PRORP: variants seen among roughly 807,000 people sequenced by gnomAD.
PRORP encodes the protein protein only RNase P catalytic subunit, also known as mitochondrial ribonuclease P catalytic subunit.
Under a neutral mutation model 59.4 loss-of-function variants are expected in PRORP, and 51 were observed. The observed-to-expected ratio is 0.86, with a 90% CI of 0.69 to 1.08. The LOEUF is 1.08. Among genes scored for constraint, PRORP ranks in the 50% least tolerant of loss-of-function variants. The pLI, the probability that PRORP is intolerant of heterozygous loss-of-function variation, is 0.00. For missense variants in PRORP, 646 were observed against 690.3 expected (o/e 0.94, Z 0.72); for synonymous variants, 231 against 245.6 (o/e 0.94, Z 0.55).
chr14:35,155,987 G>C (rs2138921085), intron 4 of PRORP, among the ~76,000 whole-genome samples: 1 of 152,282 alleles, frequency 6.6e-6, no homozygotes, highest in Middle Eastern at 3.4e-3. Flanking sequence ...GCTTTGCAAA[G>C]AGGTTATTAA....
At chr14:35,199,391 C>G (rs868278495) in intron 5 of PRORP, among the ~76,000 whole-genome samples, 4 of 151,484 alleles carry the variant, frequency 2.6e-5, no homozygotes, top group Non-Finnish European at 5.9e-5. Context: ...AATGTGTCCA[C>G]TCCACATTCA....
chr14:35,270,464 C>T lies in PRORP; in HGVS notation c.1488C>T (p.Ile496=), dbSNP rs750273965. The T allele has an allele frequency of 6.2e-7, 1 of 1,614,142 alleles. No individual in the cohort carries two copies. Among genetic ancestry groups the T allele is most frequent in the African/African-American group, 1.3e-5 (1 of 75,038 alleles). The change falls in exon 7 of 8, where the codon ATC becomes ATT. Residue 496 remains isoleucine (I), a synonymous_variant. Transcript: ENST00000534898. The part of the protein sequence containing the change: ...TLHSGNHCRF[I]TRDLMRDHKA... ...ACTCCGGGAATCACTGCAGGTTTAT[C>T]ACAAGAGACCTGATGCGGGACCACA...
chr14:35,253,355 GAGA>G lies in PRORP; in HGVS notation c.1276-13370_1276-13368del, dbSNP rs1566528577. Among the ~76,000 whole-genome samples, 12 of 113,008 alleles carry G rather than the reference GAGA, an allele frequency of 1.1e-4. No homozygotes were observed. The East Asian group carries it at 3.4e-3, about 32-fold the overall frequency. The allele number at this position is 113,008 out of a possible 152,430, so 74.1% of individuals were successfully genotyped here. A position where few individuals can be genotyped will look rare whatever the true frequency, so the allele number is the denominator to read the frequency against. On this transcript the variant is annotated intron_variant, in intron 5 of 7. Coordinates refer to ENST00000534898, the MANE Select transcript of PRORP (RefSeq NM_014672.4). Reference sequence around the variant, plus strand: ...TCAAAAAAAAAAAAAGAGAGAGAGAGAGAAAGAAAGAAAGAAAGAAAAGAAAGA... The same window carrying G: ...TCAAAAAAAAAAAAAGAGAGAGAGAGAAGAAAGAAAGAAAGAAAAGAAAGA...
intron 5 of PRORP, among the ~76,000 whole-genome samples, chr14:35,224,192 T>C (rs73236995): frequency 0.052 from 7,861 of 152,236 alleles, 347 homozygotes; most frequent in Admixed American, 0.15. Context: ...CAGTGCTTCT[T>C]CAAAAATAGA....
At chr14:35,183,419 T>A (rs771702513) in intron 5 of PRORP, among the ~76,000 whole-genome samples, 3 of 152,290 alleles carry the variant, frequency 2.0e-5, no homozygotes, top group Middle Eastern at 3.4e-3. Flanking sequence ...AAAAGCATTC[T>A]TGATAAATAT....
Position 35,170,151 on chromosome 14 carries a change from A to G in PRORP, c.1168-10519A>G, listed in dbSNP as rs1398548472. 3.3e-5 allele frequency among the ~76,000 whole-genome samples: 5 copies of G among 152,262 alleles called. No homozygotes were observed. The East Asian group carries it at 7.7e-4, about 23-fold the overall frequency. The stretch of plus-strand genomic sequence containing the variant: ...TCTTAAGCTTATTGATGCATGATAC[A>G]TATTTTTCCCTACTTTTCACTTTCC... On this transcript the variant is annotated intron_variant, in intron 4 of 7. Transcript: ENST00000534898.
At chr14:35,242,123 T>C (rs1239504980) in intron 5 of PRORP, among the ~76,000 whole-genome samples, 1 of 152,218 alleles carries the variant, frequency 6.6e-6, no homozygotes, top group African/African-American at 2.4e-5. Flanking sequence ...GTGATTTATT[T>C]ATGTCTGTCT....
intron 5 of PRORP, among the ~76,000 whole-genome samples, chr14:35,220,874 A>C (rs2049756982): frequency 1.3e-5 from 2 of 152,122 alleles, no homozygotes; most frequent in South Asian, 4.1e-4. Flanking sequence ...AATCTGGGGG[A>C]GGATGTAAAC....
At chr14:35,194,837 A>C (rs1402895198) in intron 5 of PRORP, among the ~76,000 whole-genome samples, 1 of 152,206 alleles carries the variant, frequency 6.6e-6, no homozygotes, top group Admixed American at 6.5e-5. Context: ...GTCTTAAACT[A>C]TGACTAGTAT....
intron 5 of PRORP, among the ~76,000 whole-genome samples, chr14:35,235,877 C>T (rs190485305): frequency 2.6e-5 from 4 of 151,604 alleles, no homozygotes; most frequent in Admixed American, 1.3e-4. Context: ...CCAGCCTGGG[C>T]AAGGTGACAA....
intron 3 of PRORP, 104 bp downstream of exon 3, chr14:35,126,886 C>A (rs10147080): frequency 0.45 from 375,034 of 827,474 alleles, 88,215 homozygotes; most frequent in Non-Finnish European, 0.49. Context: ...AGGATAATTA[C>A]AAGTTTGTAA....
At chr14:35,224,084 C>T (rs1423980411) in intron 5 of PRORP, among the ~76,000 whole-genome samples, 1 of 152,156 alleles carries the variant, frequency 6.6e-6, no homozygotes, top group East Asian at 1.9e-4. Context: ...GAGATGAACA[C>T]TTAAGGAACC....
intron 5 of PRORP, among the ~76,000 whole-genome samples, chr14:35,199,563 C>T (rs2049096885): frequency 6.6e-6 from 1 of 152,100 alleles, no homozygotes; most frequent in Admixed American, 6.6e-5. Context: ...TTTTGCCTCA[C>T]TGTGTGAGGA....
intron 5 of PRORP, among the ~76,000 whole-genome samples, chr14:35,239,260 A>G (rs2050299020): frequency 6.6e-6 from 1 of 151,508 alleles, no homozygotes; most frequent in Non-Finnish European, 1.5e-5. Flanking sequence ...TGGGAGGCTG[A>G]GGCAGGAAAA....
chr14:35,230,486 T>C (rs1381398338), intron 5 of PRORP, among the ~76,000 whole-genome samples: 1 of 152,252 alleles, frequency 6.6e-6, no homozygotes, highest in Non-Finnish European at 1.5e-5. Context: ...TTCAGGAATA[T>C]GAAAAGCTGT....
chr14:35,214,863 T>C (rs1360293004), intron 5 of PRORP, among the ~76,000 whole-genome samples: 1 of 152,160 alleles, frequency 6.6e-6, no homozygotes, highest in Non-Finnish European at 1.5e-5. Flanking sequence ...GCCGAGATCG[T>C]GCCACTGCAC....
At chr14:35,188,961 A>AAAAAAAAAAAAAAGAAAGAAAG (rs1555326788) in intron 5 of PRORP, among the ~76,000 whole-genome samples, 1 of 132,776 alleles carries the variant, frequency 7.5e-6, no homozygotes, top group Non-Finnish European at 1.6e-5. Context: ...AAAAAAAAAA[A>AAAAAAAAAAAAAAGAAAGAAAG]AAAGTATTGC....
intron 5 of PRORP, among the ~76,000 whole-genome samples, chr14:35,230,011 A>G (rs921823264): frequency 4.0e-5 from 6 of 151,542 alleles, no homozygotes; most frequent in African/African-American, 1.5e-4. Flanking sequence ...TTTTTTCTCA[A>G]GAAGCTCGAG....
At chr14:35,203,547 A>T (rs1484178091) in intron 5 of PRORP, among the ~76,000 whole-genome samples, 2 of 152,134 alleles carry the variant, frequency 1.3e-5, no homozygotes, top group East Asian at 1.9e-4. Flanking sequence ...AAATTAAATT[A>T]AAAATCCAGA....
Sources: gnomAD v4.1 joint callset for allele counts (sites outside exome capture counted in the v4.1 genomes callset) on GRCh38, gnomAD v4.1.1 for gene constraint, MANE v1.5 for transcripts, NCBI Gene and HGNC (gene_info 2026-07-23, HGNC 2026-07-21) for gene names.